NUP58: variants seen among roughly 807,000 people sequenced by gnomAD.
NUP58 encodes the protein nucleoporin 58.
Under a neutral mutation model 70.1 loss-of-function variants are expected in NUP58, and 17 were observed. The observed-to-expected ratio is 0.24, with a 90% CI of 0.17 to 0.36. The LOEUF is 0.36. Ranked by LOEUF, NUP58 falls within the 10% of genes least tolerant of loss-of-function variation. The pLI, the probability that NUP58 is intolerant of heterozygous loss-of-function variation, is 1.00. For synonymous variants in NUP58, 275 were observed against 257.6 expected (o/e 1.07, Z -0.65); for missense variants, 644 against 701.5 (o/e 0.92, Z 0.93).
At chr13:25,307,299 G>A (rs1290849771) in intron 1 of NUP58, among the ~76,000 whole-genome samples, 2 of 137,464 alleles carry the variant, frequency 1.5e-5, no homozygotes, top group Non-Finnish European at 3.0e-5. Flanking sequence ...ACTGCGACCT[G>A]CCTCCCGGGT....
At chr13:25,326,743 C>T (rs562677601) in intron 10 of NUP58, among the ~76,000 whole-genome samples, 173 bp from the exon 11 acceptor site, 1 of 152,228 alleles carries the variant, frequency 6.6e-6, no homozygotes, top group African/African-American at 2.4e-5. Context: ...ATTCACAGTG[C>T]ATTTGTAATT....
intron 3 of NUP58, 82 bp downstream of exon 3, chr13:25,309,364 C>A: frequency 9.4e-7 from 1 of 1,067,474 alleles, no homozygotes. Context: ...ACTCTTCTCT[C>A]TTCTAATATT....
At chr13:25,310,480 G>T (rs548243272) in intron 3 of NUP58, among the ~76,000 whole-genome samples, 1 of 148,186 alleles carries the variant, frequency 6.7e-6, no homozygotes, top group African/African-American at 2.5e-5. Context: ...TTGGCCTTCC[G>T]AAGTGCTGGG....
chr13:25,338,620 A>C lies in NUP58; in HGVS notation c.1535-16A>C. The C allele has an allele frequency of 6.3e-7, 1 of 1,589,132 alleles. No individual in the cohort carries two copies. The highest frequency in any genetic ancestry group is 8.6e-7 in the Non-Finnish European group (1 of 1,157,742). ...TTTATGTGCCATTGTATATTTTTCT[A>C]TTACCCTTCCACTAGGATTTGGAAC... On this transcript the variant is annotated splice_polypyrimidine_tract_variant and intron_variant, in intron 14 of 15. Transcript: ENST00000381736.
At chr13:25,343,858 C>A (rs2032015334), downstream of NUP58, among the ~76,000 whole-genome samples, 1 of 136,396 alleles carries the variant, frequency 7.3e-6, no homozygotes, top group East Asian at 2.4e-4. Context: ...CACACACATA[C>A]ATACACACAC....
intron 10 of NUP58, 83 bp from the exon 11 acceptor site, chr13:25,326,833 T>C: frequency 1.4e-6 from 1 of 709,886 alleles, no homozygotes; most frequent in Non-Finnish European, 2.4e-6. Flanking sequence ...GACTATTAAA[T>C]GATTGCAGAA....
intron 1 of NUP58, chr13:25,302,934 A>G: frequency 2.2e-6 from 1 of 456,382 alleles, no homozygotes; most frequent in South Asian, 1.6e-5. Context: ...CAGTTCCACA[A>G]CCCTGCTTAG....
chr13:25,301,906 G>A (rs745577736), intron 1 of NUP58, 26 bp downstream of exon 1: 2 of 1,509,354 alleles, frequency 1.3e-6, no homozygotes, highest in Admixed American at 1.7e-5. Flanking sequence ...CGCCTTCCTG[G>A]GCCGGATTCA....
In NUP58 at chr13:25,303,363, A is replaced by T. The variant is rs1166864088; in HGVS notation, c.107+1483A>T. On this transcript the variant is annotated intron_variant, in intron 1 of 15. Coordinates refer to ENST00000381736, the MANE Select transcript of NUP58 (RefSeq NM_014089.4). ...ACCCACTGTTAAAAACAAACACACA[A>T]CTACCACCCTAAATAACTGAAATGA... 2.0e-5 allele frequency among the ~76,000 whole-genome samples: 3 copies of T among 151,772 alleles called. No homozygotes were observed. The East Asian group carries it at 5.8e-4, about 29-fold the overall frequency.
intron 13 of NUP58, chr13:25,334,527 G>A: frequency 1.0e-6 from 1 of 985,190 alleles, no homozygotes; most frequent in Non-Finnish European, 1.2e-6. Context: ...TTGTGATTTT[G>A]TTGTATTTAA....
In NUP58 at chr13:25,315,229, G is replaced by C. The variant is rs1593182435; in HGVS notation, c.575-128G>C. The C allele has an allele frequency of 1.5e-5, 11 of 712,982 alleles. No individual in the cohort carries two copies. The South Asian group carries it at 1.7e-4, about 11-fold the overall frequency. The allele number at this position is 712,982 out of a possible 1,614,324, so 44.2% of individuals were successfully genotyped here. On this transcript the variant is annotated intron_variant, in intron 5 of 15. Transcript: ENST00000381736. The stretch of plus-strand genomic sequence containing the variant: ...CAAAACATCTCCAGGCTTGTTTCTT[G>C]TTGTTTGCCTAAATCAAATATGAAG...
intron 15 of NUP58, among the ~76,000 whole-genome samples, chr13:25,339,147 C>A (rs2031879902): frequency 6.6e-6 from 1 of 152,148 alleles, no homozygotes; most frequent in South Asian, 2.1e-4. Context: ...CACAGTCTTA[C>A]AAATGATTAT....
chr13:25,329,851 C>G (rs539505314), intron 12 of NUP58, among the ~76,000 whole-genome samples: 1 of 152,240 alleles, frequency 6.6e-6, no homozygotes, highest in East Asian at 1.9e-4. Context: ...TTGAGAAGGG[C>G]TTGCTCTGTT....
chr13:25,336,901 T>G, intron 13 of NUP58, 35 bp from the exon 14 acceptor site: 4 of 1,423,940 alleles, frequency 2.8e-6, no homozygotes, highest in Non-Finnish European at 3.8e-6. Flanking sequence ...AATTTGTTTT[T>G]TTTCCCCCCC....
At chr13:25,327,173 C>T (rs1474495853) in intron 11 of NUP58, 139 bp downstream of exon 11, 8 of 584,256 alleles carry the variant, frequency 1.4e-5, no homozygotes, top group South Asian at 1.0e-4. Context: ...CTCCTTTATT[C>T]CCTATAAATA....
rs2031865488 is a variant in NUP58 at position 25,338,685 on chromosome 13, A to G, written c.1584A>G (p.Thr528=). The change falls in exon 15 of 16, where the codon ACA becomes ACG. Residue 528 remains threonine, a synonymous_variant. Coordinates refer to ENST00000381736, the MANE Select transcript of NUP58 (RefSeq NM_014089.4). ...GFGCSTTGAS[T]FGFGTTNKPS... ...GATGCAGCACCACAGGGGCCTCCAC[A>G]TTTGGATTTGGAACAACAAATAAAC... is the stretch of plus-strand genomic sequence containing the variant. 2 of 1,613,740 alleles carry G rather than the reference A, an allele frequency of 1.2e-6. No individual in the cohort carries two copies. Among genetic ancestry groups the G allele is most frequent in the African/African-American group, 1.3e-5 (1 of 74,910 alleles).
chr13:25,321,531 A>G lies in NUP58; in HGVS notation c.951+438A>G, dbSNP rs757547815. Among the ~76,000 whole-genome samples the G allele has an allele frequency of 1.6e-4, 25 of 152,344 alleles. 1 individual carries two copies. Among genetic ancestry groups the G allele is most frequent in the Non-Finnish European group, 2.8e-4 (19 of 68,036 alleles). On this transcript the variant is annotated intron_variant, in intron 9 of 15. Coordinates refer to ENST00000381736, the MANE Select transcript of NUP58 (RefSeq NM_014089.4). ...AGGAAACATAGCTAGTCAGAAAATA[A>G]TGTTTTTTAACTGTCGGTTTTTAAA...
chr13:25,301,942 C>T, intron 1 of NUP58, 62 bp downstream of exon 1: 6 of 1,034,932 alleles, frequency 5.8e-6, no homozygotes, highest in Middle Eastern at 2.1e-4. Context: ...CCGCAAAGCT[C>T]CCTTGGTGTC....
chr13:25,338,901 TA>T (rs1291971691), intron 15 of NUP58, 170 bp downstream of exon 15: 1 of 471,940 alleles, frequency 2.1e-6, no homozygotes, highest in African/African-American at 2.0e-5. Flanking sequence ...ATCTCTCTCA[TA>T]AACTAAAGGG....
Sources: allele counts gnomAD v4.1 joint callset (sites outside exome capture counted in the v4.1 genomes callset), GRCh38; gene constraint gnomAD v4.1.1; transcripts MANE v1.5; gene names NCBI Gene and HGNC (gene_info 2026-07-23, HGNC 2026-07-21).